The following NKAIN2 variants were observed in gnomAD, a reference collection of about 807,000 sequenced individuals.
NKAIN2 encodes the protein sodium/potassium transporting ATPase interacting 2.
In NKAIN2, 14 loss-of-function variants were observed where a neutral mutation model predicts 32.6. The observed-to-expected ratio is 0.43, with a 90% confidence interval of 0.28 to 0.67. The LOEUF is 0.67. Among genes scored for constraint, NKAIN2 ranks in the 30% least tolerant of loss-of-function variants. The pLI is 0.17. For synonymous variants in NKAIN2, 80 were observed against 87.2 expected, an observed-to-expected ratio of 0.92 and a Z score of 0.46; for missense variants, 198 against 258.3, an observed-to-expected ratio of 0.77 and a Z score of 1.60.
intron 1 of NKAIN2, among the ~76,000 whole-genome samples, chr6:123,822,610 G>A (rs776887696): frequency 2.0e-5 from 3 of 152,208 alleles, no homozygotes; most frequent in Non-Finnish European, 4.4e-5. Flanking sequence ...CTGGGTTTAT[G>A]AGAGACATGA....
chr6:124,419,821 A>C (rs1031235337), intron 3 of NKAIN2, among the ~76,000 whole-genome samples: 2 of 152,132 alleles, frequency 1.3e-5, no homozygotes, highest in Non-Finnish European at 2.9e-5. Flanking sequence ...GAACAAAAAA[A>C]GTGACCTTAA....
intron 1 of NKAIN2, among the ~76,000 whole-genome samples, chr6:123,815,979 T>C (rs1024461033): frequency 2.0e-5 from 3 of 152,222 alleles, no homozygotes; most frequent in African/African-American, 7.2e-5. Context: ...TAATTAAGAA[T>C]AAAATACAAA....
chr6:124,812,404 G>A (rs72979748), intron 5 of NKAIN2, among the ~76,000 whole-genome samples: 7,986 of 152,160 alleles, frequency 0.052, 262 homozygotes, highest in Admixed American at 0.1. Context: ...AGTGTCTTCC[G>A]TGAGCCAGAC....
chr6:124,285,131 G>A (rs1241352113), intron 2 of NKAIN2, among the ~76,000 whole-genome samples: 1 of 152,092 alleles, frequency 6.6e-6, no homozygotes, highest in Non-Finnish European at 1.5e-5. Context: ...TCAGAGCCTT[G>A]ATTTCATCTT....
At chr6:124,816,346 A>C (rs1267304619) in intron 5 of NKAIN2, among the ~76,000 whole-genome samples, 1 of 152,172 alleles carries the variant, frequency 6.6e-6, no homozygotes, top group East Asian at 1.9e-4. Context: ...CGGTACTCTA[A>C]TGGTAGATAC....
chr6:124,589,106 A>G (rs1781815323), intron 3 of NKAIN2, among the ~76,000 whole-genome samples: 2 of 152,218 alleles, frequency 1.3e-5, no homozygotes, highest in Admixed American at 1.3e-4. Flanking sequence ...ATATAGTTAC[A>G]TATAGTACGC....
chr6:124,173,936 T>C (rs1024911734), intron 1 of NKAIN2, among the ~76,000 whole-genome samples: 2 of 152,058 alleles, frequency 1.3e-5, no homozygotes, highest in African/African-American at 4.8e-5. Flanking sequence ...TTTTGGAAAA[T>C]AAAGGATTAA....
chr6:124,030,622 A>T (rs1281330325), intron 1 of NKAIN2, among the ~76,000 whole-genome samples: 1 of 152,216 alleles, frequency 6.6e-6, no homozygotes, highest in African/African-American at 2.4e-5. Context: ...AGACTCTGTT[A>T]TCACTTAAGA....
At chr6:124,145,327 A>G (rs1426820524) in intron 1 of NKAIN2, among the ~76,000 whole-genome samples, 9 of 152,212 alleles carry the variant, frequency 5.9e-5, no homozygotes, top group Admixed American at 5.9e-4. Flanking sequence ...AATGTTCAGA[A>G]CAGCTTTATT....
intron 3 of NKAIN2, among the ~76,000 whole-genome samples, chr6:124,652,562 T>C (rs1313404091): frequency 6.6e-6 from 1 of 152,200 alleles, no homozygotes; most frequent in African/African-American, 2.4e-5. Context: ...TGGGCTACTA[T>C]GACAAAACAC....
Position 124,278,021 on chromosome 6 carries a change from TG to T in NKAIN2, c.55-4982del, listed in dbSNP as rs570393970. On this transcript the variant is annotated intron_variant, in intron 1 of 6. Coordinates refer to ENST00000368417, the MANE Select transcript of NKAIN2 (RefSeq NM_001040214.3). ...ATAAAAATAATATTATAGTAATATTTGGAAGAAAATTTGATTAAGAAATATT... is the reference window on the plus strand; with the variant it reads ...ATAAAAATAATATTATAGTAATATTTGAAGAAAATTTGATTAAGAAATATT... Among the ~76,000 whole-genome samples, 48 of 152,234 alleles carry T rather than the reference TG, an allele frequency of 3.2e-4. No homozygotes were observed. In the South Asian group the frequency reaches 9.7e-3, roughly 31 times the overall value.
At chr6:124,630,666 C>T (rs765481403) in intron 3 of NKAIN2, among the ~76,000 whole-genome samples, 10 of 152,044 alleles carry the variant, frequency 6.6e-5, no homozygotes, top group Non-Finnish European at 1.3e-4. Context: ...TCAAAATTTC[C>T]TCAACATGAA....
chr6:124,681,568 G>A (rs143142180), intron 4 of NKAIN2, among the ~76,000 whole-genome samples: 1 of 152,040 alleles, frequency 6.6e-6, no homozygotes, highest in Non-Finnish European at 1.5e-5. Flanking sequence ...ACTTATGCTT[G>A]CTGCAGAATG....
chr6:123,913,300 T>C (rs1298026295), intron 1 of NKAIN2, among the ~76,000 whole-genome samples: 2 of 152,136 alleles, frequency 1.3e-5, no homozygotes, highest in African/African-American at 4.8e-5. Flanking sequence ...AATTCAAAAG[T>C]GATCAGAGAA....
At chr6:124,471,883 A>G (rs1357523224) in intron 3 of NKAIN2, among the ~76,000 whole-genome samples, 1 of 152,112 alleles carries the variant, frequency 6.6e-6, no homozygotes, top group African/African-American at 2.4e-5. Flanking sequence ...ATACTACTTT[A>G]TTTACATTTT....
chr6:124,055,309 T>A (rs187589842), intron 1 of NKAIN2, among the ~76,000 whole-genome samples: 1 of 152,192 alleles, frequency 6.6e-6, no homozygotes, highest in Admixed American at 6.6e-5. Context: ...ATGAGAGTAT[T>A]GAATAAGTAA....
intron 1 of NKAIN2, among the ~76,000 whole-genome samples, chr6:124,145,348 A>C (rs1242828106): frequency 6.6e-6 from 1 of 152,220 alleles, no homozygotes. Flanking sequence ...TGTAATAGCC[A>C]AAAACTGAAA....
intron 1 of NKAIN2, among the ~76,000 whole-genome samples, chr6:124,142,327 G>A (rs1348032838): frequency 6.6e-6 from 1 of 151,940 alleles, no homozygotes; most frequent in Non-Finnish European, 1.5e-5. Flanking sequence ...TTTTTGATGT[G>A]ATTACCATAT....
At chr6:124,246,502 A>T (rs1793407461) in intron 1 of NKAIN2, among the ~76,000 whole-genome samples, 1 of 152,096 alleles carries the variant, frequency 6.6e-6, no homozygotes, top group African/African-American at 2.4e-5. Flanking sequence ...TAACTCAGTT[A>T]TCCCTCTATC....
Sources: gnomAD v4.1 joint callset for allele counts (sites outside exome capture counted in the v4.1 genomes callset) on GRCh38, gnomAD v4.1.1 for gene constraint, MANE v1.5 for transcripts, NCBI Gene and HGNC (gene_info 2026-07-23, HGNC 2026-07-21) for gene names.